PEX5L: variants seen among roughly 807,000 people sequenced by gnomAD.
PEX5L encodes the protein PEX5-related protein.
Under a neutral mutation model 84.0 loss-of-function variants are expected in PEX5L, and 30 were observed. That is an observed-to-expected ratio of 0.36 (90% CI 0.27 to 0.48). The LOEUF (loss-of-function observed/expected upper bound fraction) is 0.48. Among genes scored for constraint, PEX5L ranks in the 20% least tolerant of loss-of-function variants. The pLI, the probability that PEX5L is intolerant of heterozygous loss-of-function variation, is 0.99. For synonymous variants in PEX5L, 270 were observed against 283.1 expected (o/e 0.95, Z 0.46); for missense variants, 533 against 754.6 (o/e 0.71, Z 3.44).
chr3:180,027,849 T>G (rs1791104310), intron 1 of PEX5L, among the ~76,000 whole-genome samples: 1 of 152,198 alleles, frequency 6.6e-6, no homozygotes, highest in Non-Finnish European at 1.5e-5. Flanking sequence ...ATTGATATTT[T>G]GGAAAAACAC....
chr3:179,868,792 A>ACCCTTTTC (rs1749276480), intron 7 of PEX5L, among the ~76,000 whole-genome samples: 1 of 152,050 alleles, frequency 6.6e-6, no homozygotes, highest in South Asian at 2.1e-4. Context: ...CCCATAACGC[A>ACCCTTTTC]TCCTGCAACC....
chr3:179,856,230 C>CA (rs1160795800), intron 8 of PEX5L, among the ~76,000 whole-genome samples: 5 of 152,224 alleles, frequency 3.3e-5, no homozygotes. Flanking sequence ...TAGTACCTCA[C>CA]ACATAGTACA....
intron 2 of PEX5L, among the ~76,000 whole-genome samples, chr3:179,939,779 G>C (rs569267833): frequency 6.6e-6 from 1 of 152,194 alleles, no homozygotes; most frequent in Non-Finnish European, 1.5e-5. Flanking sequence ...GAGCAGACAG[G>C]TGTGAATAGC....
At chr3:180,021,802 TG>T (rs571105290) in intron 1 of PEX5L, among the ~76,000 whole-genome samples, 147 of 152,332 alleles carry the variant, frequency 9.6e-4, no homozygotes, top group Non-Finnish European at 1.4e-3. Flanking sequence ...AACTGGTTTG[TG>T]GACAAATATT....
chr3:179,923,197 G>A (rs958218464), intron 2 of PEX5L, among the ~76,000 whole-genome samples: 19 of 150,056 alleles, frequency 1.3e-4, no homozygotes, highest in Non-Finnish European at 2.2e-4. Flanking sequence ...AGGCTGAGGC[G>A]GGAGAATGGC....
chr3:180,022,641 T>C (rs1790520907), intron 1 of PEX5L, among the ~76,000 whole-genome samples: 1 of 152,172 alleles, frequency 6.6e-6, no homozygotes, highest in Non-Finnish European at 1.5e-5. Context: ...TGAGTGGGGA[T>C]ATTTCAGCTT....
rs1320751051 is a variant in PEX5L, at chr3:179,971,969, G to A, written c.22-304C>T. ...CAGAAAAGATTCTTTAACACTTTGG[G>A]ATAAATAAGCAATTCTTTGAAGAGC... On this transcript the variant is annotated intron_variant, in intron 1 of 14. Transcript: ENST00000467460. Among the ~76,000 whole-genome samples, 5 of 151,964 alleles carry A rather than the reference G, an allele frequency of 3.3e-5. No homozygotes were observed. The East Asian group carries it at 9.6e-4, about 29-fold the overall frequency.
At chr3:179,941,058 G>T (rs547213606) in intron 2 of PEX5L, among the ~76,000 whole-genome samples, 75 of 152,310 alleles carry the variant, frequency 4.9e-4, no homozygotes, top group Non-Finnish European at 9.3e-4. Flanking sequence ...TGTAACAGTG[G>T]CAGACGCAGT....
At chr3:179,960,042 G>A (rs547493819) in intron 2 of PEX5L, among the ~76,000 whole-genome samples, 2 of 151,998 alleles carry the variant, frequency 1.3e-5, no homozygotes, top group Non-Finnish European at 2.9e-5. Flanking sequence ...TTTATGTTTT[G>A]CTTATTTTTT....
intron 3 of PEX5L, among the ~76,000 whole-genome samples, chr3:179,888,526 C>T (rs2108862608): frequency 6.6e-6 from 1 of 152,034 alleles, no homozygotes; most frequent in African/African-American, 2.4e-5. Context: ...TCAGTGGCAA[C>T]CACTATTTAC....
chr3:179,875,440 CTT>C lies in PEX5L; in HGVS notation c.541_542del (p.Lys181ValfsTer21). The C allele has an allele frequency of 6.2e-7, 1 of 1,607,092 alleles. No homozygotes were observed. The highest frequency in any genetic ancestry group is 1.1e-5 in the South Asian group (1 of 90,962). ...QTQLEKWDDV[K>X]FHGDRNTKGH... The stretch of plus-strand genomic sequence containing the variant: ...CCTTGGTATTTCGATCTCCATGAAA[CTT>C]AACATCGTCCCATTTTTCCAGTTGT... On this transcript the variant is annotated frameshift_variant, in exon 6 of 15. Coordinates refer to ENST00000467460, the MANE Select transcript of PEX5L (RefSeq NM_016559.3). LOFTEE classifies it high-confidence loss of function.
chr3:179,917,711 G>A (rs181810697), intron 2 of PEX5L, among the ~76,000 whole-genome samples: 2 of 152,276 alleles, frequency 1.3e-5, no homozygotes, highest in African/African-American at 2.4e-5. Context: ...CCAGGCTGGA[G>A]TGCAATGGCA....
At chr3:179,938,169 G>GCA (rs1305947022) in intron 2 of PEX5L, among the ~76,000 whole-genome samples, 1 of 152,064 alleles carries the variant, frequency 6.6e-6, no homozygotes, top group African/African-American at 2.4e-5. Flanking sequence ...ACAAAATGCG[G>GCA]CACACCTTCT....
At chr3:179,816,997 A>C (rs918854169) in intron 9 of PEX5L, among the ~76,000 whole-genome samples, 96 of 152,098 alleles carry the variant, frequency 6.3e-4, no homozygotes, top group African/African-American at 2.3e-3. Flanking sequence ...AAAAATACTG[A>C]TTCTTTAGAC....
intron 1 of PEX5L, among the ~76,000 whole-genome samples, chr3:180,001,447 C>T (rs971078273): frequency 1.3e-5 from 2 of 150,542 alleles, no homozygotes; most frequent in Non-Finnish European, 3.0e-5. Flanking sequence ...CTGATAAAAA[C>T]GAACTTGGTA....
At chr3:179,981,805 G>A (rs1326963170) in intron 1 of PEX5L, among the ~76,000 whole-genome samples, 2 of 149,744 alleles carry the variant, frequency 1.3e-5, no homozygotes. Flanking sequence ...CATGCTATTT[G>A]AAAAAAAAAA....
At chr3:180,006,366 AT>A (rs67924478) in intron 1 of PEX5L, among the ~76,000 whole-genome samples, 1 of 151,230 alleles carries the variant, frequency 6.6e-6, no homozygotes, top group Non-Finnish European at 1.5e-5. Flanking sequence ...AGTTTTCATT[AT>A]TTTTTTTTCA....
At chr3:179,805,094 G>A (rs1344702082) in intron 14 of PEX5L, among the ~76,000 whole-genome samples, 2 of 151,242 alleles carry the variant, frequency 1.3e-5, no homozygotes, top group Non-Finnish European at 2.9e-5. Context: ...ACTCCAGCCT[G>A]GGTGACAGAA....
intron 2 of PEX5L, among the ~76,000 whole-genome samples, chr3:179,905,844 C>G (rs1425135267): frequency 6.6e-6 from 1 of 152,150 alleles, no homozygotes; most frequent in Non-Finnish European, 1.5e-5. Context: ...GTGTTAATAT[C>G]TTCTGAACCA....
Sources: gnomAD v4.1 joint callset for allele counts (sites outside exome capture counted in the v4.1 genomes callset) on GRCh38, gnomAD v4.1.1 for gene constraint, MANE v1.5 for transcripts, NCBI Gene and HGNC (gene_info 2026-07-23, HGNC 2026-07-21) for gene names.